Variants in APP observed in about 807,000 individuals in gnomAD.
The protein encoded by APP is amyloid-beta precursor protein.
A neutral mutation model predicts 101.4 loss-of-function variants in APP; 31 were observed. That is an observed-to-expected ratio of 0.31 (90% confidence interval 0.23 to 0.41). The LOEUF (loss-of-function observed/expected upper bound fraction) is 0.41, where lower values mean the gene tolerates loss of function less well. Among genes scored for constraint, APP ranks in the 10% least tolerant of loss-of-function variants. The probability of loss-of-function intolerance (pLI) is 1.00; values close to 1 mark genes in which losing one functional copy is unlikely to be tolerated. For synonymous variants in APP, 366 were observed against 364.4 expected, an observed-to-expected ratio of 1.00 and a Z score of -0.05; for missense variants, 839 against 1,003.7, an observed-to-expected ratio of 0.84 and a Z score of 2.22.
At chr21:26,119,273 T>C (rs377748175) in intron 1 of APP, among the ~76,000 whole-genome samples, 11 of 152,342 alleles carry the variant, frequency 7.2e-5, no homozygotes, top group Admixed American at 7.2e-4. Flanking sequence ...GGCAGTACTA[T>C]TTTGCATGTC....
At chr21:26,032,525 G>C (rs11910608) in intron 5 of APP, among the ~76,000 whole-genome samples, 3,203 of 152,180 alleles carry the variant, frequency 0.021, 106 homozygotes, top group African/African-American at 0.074. Context: ...TGTCACTTAG[G>C]CTGCTGTGAC....
intron 11 of APP, among the ~76,000 whole-genome samples, chr21:25,960,306 G>C (rs1310731854): frequency 6.6e-6 from 1 of 152,072 alleles, no homozygotes; most frequent in Non-Finnish European, 1.5e-5. Context: ...CTCTTATCTT[G>C]TCTCCTGCTA....
chr21:26,004,275 CTTTTTTTTTTTTTTT>C (rs71183538), intron 6 of APP, among the ~76,000 whole-genome samples: 1 of 72,796 alleles, frequency 1.4e-5, no homozygotes. Context: ...TGTATTAATT[CTTTTTTTTTTTTTTT>C]TTTTTTTTTT....
At chr21:25,987,032 A>T (rs1286285941) in intron 8 of APP, among the ~76,000 whole-genome samples, 1 of 152,250 alleles carries the variant, frequency 6.6e-6, no homozygotes, top group Non-Finnish European at 1.5e-5. Flanking sequence ...CAATCCATCC[A>T]CATGCTGGGG....
chr21:25,927,842 C>T (rs1267980996), intron 13 of APP, among the ~76,000 whole-genome samples: 1 of 152,186 alleles, frequency 6.6e-6, no homozygotes, highest in African/African-American at 2.4e-5. Context: ...TTTCAAACAT[C>T]ATAGATCAAA....
chr21:26,145,546 T>C (rs138466909), intron 1 of APP, among the ~76,000 whole-genome samples: 75 of 152,240 alleles, frequency 4.9e-4, no homozygotes, highest in African/African-American at 1.7e-3. Flanking sequence ...GCCCGGTTCC[T>C]AGCAGGCCAT....
intron 13 of APP, among the ~76,000 whole-genome samples, chr21:25,917,906 A>G (rs550967089): frequency 6.6e-6 from 1 of 151,870 alleles, no homozygotes; most frequent in South Asian, 2.1e-4. Context: ...GTATGTGGCC[A>G]ACAAACATAT....
At chr21:26,088,287 C>G (rs1478199514) in intron 3 of APP, among the ~76,000 whole-genome samples, 1 of 152,206 alleles carries the variant, frequency 6.6e-6, no homozygotes, top group Admixed American at 6.5e-5. Context: ...TGGATTTCAT[C>G]TTTCCATCAA....
At chr21:26,028,165 A>G (rs2044664274) in intron 5 of APP, among the ~76,000 whole-genome samples, 1 of 147,078 alleles carries the variant, frequency 6.8e-6, no homozygotes, top group South Asian at 2.2e-4. Context: ...TGACAGAGTG[A>G]GACTCTGTCT....
rs45580535 is a variant in APP at position 26,021,714 on chromosome 21, C to A, written c.865+126G>T. ...AAAAAAATTTCACAAGCATAAGAAG[C>A]CTTTTGGAAAAAAAAACATGTTTTT... On this transcript the variant is annotated intron_variant, in intron 6 of 17. Coordinates refer to ENST00000346798, the MANE Select transcript of APP (RefSeq NM_000484.4). 8,177 of 1,361,382 alleles carry A rather than the reference C, an allele frequency of 6.0e-3. 379 individuals are homozygous for A. In the African/African-American group the frequency reaches 0.1, roughly 17 times the overall value. The allele number at this position is 1,361,382 out of a possible 1,614,324, so 84.3% of individuals were successfully genotyped here.
chr21:25,982,486 T>C lies in APP; in HGVS notation c.1091-9A>G. On this transcript the variant is annotated splice_polypyrimidine_tract_variant and intron_variant, in intron 8 of 17. Coordinates refer to ENST00000346798, the MANE Select transcript of APP (RefSeq NM_000484.4). ...GGCTGCTGTTGTAGGAACTATAAAGTAGAAGAGAAGGAGGTTTGAGAAAAA... is the reference window on the plus strand; with the variant it reads ...GGCTGCTGTTGTAGGAACTATAAAGCAGAAGAGAAGGAGGTTTGAGAAAAA... 1.9e-6 allele frequency: 3 copies of C among 1,612,922 alleles called. No homozygotes were observed. The highest frequency in any genetic ancestry group is 2.2e-5 in the East Asian group (1 of 44,824).
At chr21:26,114,136 T>A (rs2062385784) in intron 1 of APP, among the ~76,000 whole-genome samples, 1 of 152,164 alleles carries the variant, frequency 6.6e-6, no homozygotes, top group African/African-American at 2.4e-5. Flanking sequence ...GTTGAAACAG[T>A]CTCCTCCTCT....
chr21:25,941,416 C>G (rs761434557), intron 13 of APP: 1 of 152,322 alleles, frequency 6.6e-6, no homozygotes, highest in African/African-American at 2.4e-5. Flanking sequence ...GAAAAAAATA[C>G]GCAAAATTCT....
intron 3 of APP, among the ~76,000 whole-genome samples, chr21:26,054,100 A>G (rs555997830): frequency 6.6e-6 from 1 of 152,354 alleles, no homozygotes; most frequent in South Asian, 2.1e-4. Flanking sequence ...CTTTTAGCAC[A>G]GATTCTTGCA....
intron 13 of APP, among the ~76,000 whole-genome samples, chr21:25,953,004 A>G (rs992430477): frequency 6.6e-6 from 1 of 152,164 alleles, no homozygotes; most frequent in African/African-American, 2.4e-5. Context: ...GGTGTAGACT[A>G]AAAACTCCAC....
At chr21:26,021,803 T>C in intron 6 of APP, 37 bp downstream of exon 6, 1 of 1,608,228 alleles carries the variant, frequency 6.2e-7, no homozygotes, top group African/African-American at 1.3e-5. Context: ...TTTCTTTTCC[T>C]TGGGGGTGGG....
chr21:26,024,484 A>C (rs757013656), intron 5 of APP, among the ~76,000 whole-genome samples: 1 of 152,192 alleles, frequency 6.6e-6, no homozygotes, highest in Non-Finnish European at 1.5e-5. Flanking sequence ...ATCAGATTCC[A>C]AACACGTGAG....
intron 1 of APP, among the ~76,000 whole-genome samples, chr21:26,145,857 A>C (rs2063144150): frequency 6.6e-6 from 1 of 152,234 alleles, no homozygotes; most frequent in African/African-American, 2.4e-5. Flanking sequence ...ATATTTCTAT[A>C]CATCAGTATG....
chr21:25,981,327 C>T (rs2042422754), intron 9 of APP, among the ~76,000 whole-genome samples: 4 of 151,960 alleles, frequency 2.6e-5, no homozygotes, highest in Admixed American at 2.0e-4. Context: ...AAAAATTTCT[C>T]CTATCTTCTG....
Sources: gnomAD v4.1 joint callset for allele counts (sites outside exome capture counted in the v4.1 genomes callset) on GRCh38, gnomAD v4.1.1 for gene constraint, MANE v1.5 for transcripts, NCBI Gene and HGNC (gene_info 2026-07-23, HGNC 2026-07-21) for gene names.